Variants in PCDH15 observed in about 807,000 individuals in gnomAD.
PCDH15 encodes the protein protocadherin-15.
A neutral mutation model predicts 178.5 loss-of-function variants in PCDH15; 129 were observed. The observed-to-expected ratio is 0.72, with a 90% CI of 0.63 to 0.84. The LOEUF is 0.84. Among genes scored for constraint, PCDH15 ranks in the 40% least tolerant of loss-of-function variants. PCDH15 has a pLI of 0.00. For synonymous variants in PCDH15, 800 were observed against 732.0 expected, an observed-to-expected ratio of 1.09 and a Z score of -1.50; for missense variants, 2,230 against 2,099.9, an observed-to-expected ratio of 1.06 and a Z score of -1.21.
At chr10:54,031,000 A>G (rs1223945281) in intron 18 of PCDH15, among the ~76,000 whole-genome samples, 1 of 152,050 alleles carries the variant, frequency 6.6e-6, no homozygotes, top group African/African-American at 2.4e-5. Context: ...GTGCAAGAAG[A>G]AAAAAAGACA....
At chr10:53,956,037 T>C (rs1165073681) in intron 23 of PCDH15, among the ~76,000 whole-genome samples, 2 of 152,206 alleles carry the variant, frequency 1.3e-5, no homozygotes, top group African/African-American at 4.8e-5. Context: ...AATATTTTCA[T>C]ATTTCCATAT....
At chr10:54,775,872 C>A (rs1021392032) in intron 1 of PCDH15, among the ~76,000 whole-genome samples, 8 of 152,124 alleles carry the variant, frequency 5.3e-5, no homozygotes, top group South Asian at 2.1e-4. Flanking sequence ...GGCGACAGAG[C>A]AAGACTCCGT....
chr10:54,960,930 C>T (rs1838629807), intron 2 of PCDH15, among the ~76,000 whole-genome samples: 1 of 152,196 alleles, frequency 6.6e-6, no homozygotes, highest in South Asian at 2.1e-4. Context: ...CATAGGCACA[C>T]AAACTGCAGG....
chr10:55,412,385 G>T (rs1838359515), intron 2 of PCDH15, among the ~76,000 whole-genome samples: 1 of 151,886 alleles, frequency 6.6e-6, no homozygotes, highest in Non-Finnish European at 1.5e-5. Context: ...AAGTTAACAG[G>T]CCTTAGAAAC....
At chr10:55,006,905 G>A (rs1177569477) in intron 2 of PCDH15, among the ~76,000 whole-genome samples, 1 of 151,916 alleles carries the variant, frequency 6.6e-6, no homozygotes, top group Admixed American at 6.6e-5. Flanking sequence ...AATGCTGTAG[G>A]TGGGGCCTGG....
At position 53,803,258 on chromosome 10, in the gene PCDH15, T is replaced by C. The variant is rs1224841524; in HGVS notation, c.*3321A>G. The C allele has an allele frequency of 6.6e-6, 1 of 151,862 alleles. No individual in the cohort carries two copies. The highest frequency in any genetic ancestry group is 1.9e-4 in the East Asian group (1 of 5,184). The allele number at this position is 151,862 out of a possible 1,614,324, so 9.4% of individuals were successfully genotyped here. A position where few individuals can be genotyped will look rare whatever the true frequency, so the allele number is the denominator to read the frequency against. On this transcript the variant is annotated 3_prime_UTR_variant, in exon 38 of 38. Coordinates refer to ENST00000644397, the MANE Select transcript of PCDH15 (RefSeq NM_001384140.1). Reference sequence around the variant, plus strand: ...TAGCACTTTTTGCCTATTTTGCTAATTAAATTCAAGTGGTATATAAATCCC... The same window carrying C: ...TAGCACTTTTTGCCTATTTTGCTAACTAAATTCAAGTGGTATATAAATCCC...
chr10:53,893,650 C>G (rs2081744359), intron 26 of PCDH15, among the ~76,000 whole-genome samples: 1 of 152,148 alleles, frequency 6.6e-6, no homozygotes, highest in Non-Finnish European at 1.5e-5. Flanking sequence ...TTACAGCAAC[C>G]TGGATGGAGT....
At chr10:55,547,494 T>C (rs1029272013) in intron 2 of PCDH15, among the ~76,000 whole-genome samples, 5 of 152,080 alleles carry the variant, frequency 3.3e-5, no homozygotes, top group South Asian at 2.1e-4. Context: ...ACCAATAGTC[T>C]ACATAAAGGC....
intron 2 of PCDH15, among the ~76,000 whole-genome samples, chr10:54,958,527 T>G (rs774347520): frequency 2.2e-4 from 34 of 151,892 alleles, no homozygotes; most frequent in Admixed American, 3.9e-4. Context: ...CATTTTCAGT[T>G]ATGAATTAAA....
At chr10:53,990,889 G>A (rs563102461) in intron 21 of PCDH15, among the ~76,000 whole-genome samples, 250 of 152,190 alleles carry the variant, frequency 1.6e-3, no homozygotes, top group African/African-American at 5.6e-3. Context: ...TGGGCTTGGC[G>A]GGCCCCACAC....
rs869240598 is a variant in PCDH15, at chr10:55,350,228, CATATATAT to C, written c.-155-183585_-155-183578del. On this transcript the variant is annotated intron_variant, in intron 2 of 5. Transcript: ENST00000613346. ...GGTGAATATATACCATATATAAACT[CATATATAT>C]ATATATATATATATATATATATATA... Among the ~76,000 whole-genome samples, 618 of 73,384 alleles carry C rather than the reference CATATATAT, an allele frequency of 8.4e-3. 9 individuals are homozygous for C. The highest frequency in any genetic ancestry group is 0.023 in the African/African-American group (538 of 22,964). 48.1% of individuals were successfully genotyped at this position (73,384 alleles called of 152,430 possible). A position where few individuals can be genotyped will look rare whatever the true frequency, so the allele number is the denominator to read the frequency against.
chr10:53,882,958 A>C (rs2080836006), intron 26 of PCDH15, among the ~76,000 whole-genome samples: 1 of 152,190 alleles, frequency 6.6e-6, no homozygotes, highest in African/African-American at 2.4e-5. Flanking sequence ...ACCAAGGAAT[A>C]CAAAAACTTT....
At chr10:54,014,624 A>C (rs536191929) in intron 20 of PCDH15, among the ~76,000 whole-genome samples, 25 of 152,260 alleles carry the variant, frequency 1.6e-4, no homozygotes, top group African/African-American at 6.0e-4. Flanking sequence ...AATCAACAGA[A>C]GTGATTCACC....
At chr10:54,881,580 A>G (rs1212442009) in intron 3 of PCDH15, among the ~76,000 whole-genome samples, 1 of 152,062 alleles carries the variant, frequency 6.6e-6, no homozygotes, top group Non-Finnish European at 1.5e-5. Context: ...TGGATTCCTG[A>G]TGCAAAGACT....
At chr10:54,843,066 A>G (rs191678767) in intron 3 of PCDH15, among the ~76,000 whole-genome samples, 1 of 152,094 alleles carries the variant, frequency 6.6e-6, no homozygotes, top group East Asian at 1.9e-4. Context: ...ACACATTTCA[A>G]ATAGTTTTCA....
intron 27 of PCDH15, among the ~76,000 whole-genome samples, chr10:53,862,630 A>T (rs2133105204): frequency 6.6e-6 from 1 of 152,230 alleles, no homozygotes; most frequent in Admixed American, 6.5e-5. Context: ...GGTTGTTTTC[A>T]ATGAAATGAC....
chr10:54,141,739 C>G (rs2043428799), intron 14 of PCDH15, among the ~76,000 whole-genome samples: 1 of 152,140 alleles, frequency 6.6e-6, no homozygotes, highest in South Asian at 2.1e-4. Flanking sequence ...CCATTTATCT[C>G]TGATGGGCAT....
chr10:55,260,175 T>C (rs556230938), intron 1 of PCDH15, among the ~76,000 whole-genome samples: 4 of 152,052 alleles, frequency 2.6e-5, no homozygotes, highest in Non-Finnish European at 5.9e-5. Flanking sequence ...TGTTTAATTG[T>C]TTATCCATTA....
intron 2 of PCDH15, among the ~76,000 whole-genome samples, chr10:54,925,432 T>C (rs1045315906): frequency 6.6e-6 from 1 of 152,212 alleles, no homozygotes; most frequent in Non-Finnish European, 1.5e-5. Context: ...TCAGGCGTTT[T>C]TTTTTGTTTT....
Sources: allele counts gnomAD v4.1 joint callset (sites outside exome capture counted in the v4.1 genomes callset), GRCh38; gene constraint gnomAD v4.1.1; transcripts MANE v1.5; gene names NCBI Gene and HGNC (gene_info 2026-07-23, HGNC 2026-07-21).